Variants in ASIC2 observed in about 807,000 individuals in gnomAD.
ASIC2 encodes acid sensing ion channel subunit 2.
A neutral mutation model predicts 57.3 loss-of-function variants in ASIC2; 25 were observed. That is an observed-to-expected ratio of 0.44 (90% CI 0.32 to 0.61). The LOEUF (loss-of-function observed/expected upper bound fraction) is 0.61, where lower values mean the gene tolerates loss of function less well. Ranked by LOEUF, ASIC2 falls within the 20% of genes least tolerant of loss-of-function variation. ASIC2 has a pLI of 0.06. For synonymous variants in ASIC2, 319 were observed against 307.5 expected (o/e 1.04, Z -0.39); for missense variants, 641 against 738.1 (o/e 0.87, Z 1.52).
chr17:33,562,905 A>G (rs538672580), intron 1 of ASIC2, among the ~76,000 whole-genome samples: 53 of 152,242 alleles, frequency 3.5e-4, no homozygotes, highest in Admixed American at 1.0e-3. Flanking sequence ...CACCCTCTTG[A>G]TTCATTTTCT....
At chr17:33,553,318 C>T (rs1052284967) in intron 1 of ASIC2, among the ~76,000 whole-genome samples, 5 of 152,074 alleles carry the variant, frequency 3.3e-5, no homozygotes, top group Non-Finnish European at 1.5e-5. Context: ...GAGTCATATT[C>T]ATAATAACCA....
At chr17:33,976,119 A>G (rs750194300) in intron 1 of ASIC2, among the ~76,000 whole-genome samples, 4 of 148,646 alleles carry the variant, frequency 2.7e-5, no homozygotes, top group Non-Finnish European at 6.0e-5. Context: ...GTCTCCTTAT[A>G]TATTAATACC....
At chr17:33,022,366 C>G (rs942587907) in intron 6 of ASIC2, among the ~76,000 whole-genome samples, 1 of 152,224 alleles carries the variant, frequency 6.6e-6, no homozygotes, top group Non-Finnish European at 1.5e-5. Context: ...CTAGCAGCTA[C>G]CCCGCTGGGC....
intron 1 of ASIC2, among the ~76,000 whole-genome samples, chr17:33,996,575 T>G (rs190103046): frequency 6.6e-6 from 1 of 152,188 alleles, no homozygotes; most frequent in Non-Finnish European, 1.5e-5. Flanking sequence ...AATGTAGATA[T>G]CAAGTTTTCC....
chr17:33,853,204 C>T (rs1434787559), intron 1 of ASIC2, among the ~76,000 whole-genome samples: 1 of 152,132 alleles, frequency 6.6e-6, no homozygotes, highest in Non-Finnish European at 1.5e-5. Flanking sequence ...TGTTAGACAC[C>T]CTGGAGTGTA....
At chr17:33,811,320 C>T (rs527379139) in intron 1 of ASIC2, among the ~76,000 whole-genome samples, 6 of 152,290 alleles carry the variant, frequency 3.9e-5, no homozygotes, top group East Asian at 3.9e-4. Flanking sequence ...AAGGCTCCCA[C>T]GGGAGAAGAT....
chr17:33,485,458 C>A (rs1913546709), intron 1 of ASIC2, among the ~76,000 whole-genome samples: 1 of 152,212 alleles, frequency 6.6e-6, no homozygotes, highest in Non-Finnish European at 1.5e-5. Context: ...ACTTTTTATC[C>A]ACTTAGCAAT....
intron 1 of ASIC2, among the ~76,000 whole-genome samples, chr17:33,967,116 T>C (rs1340418127): frequency 6.6e-6 from 1 of 152,142 alleles, no homozygotes; most frequent in East Asian, 1.9e-4. Context: ...AAGGATTTCT[T>C]TGGTGTCTCT....
At chr17:33,992,517 CAA>C (rs1331815252) in intron 1 of ASIC2, among the ~76,000 whole-genome samples, 1 of 152,140 alleles carries the variant, frequency 6.6e-6, no homozygotes, top group Non-Finnish European at 1.5e-5. Flanking sequence ...TGTCTTTTCC[CAA>C]AGAGTCTCTG....
intron 1 of ASIC2, among the ~76,000 whole-genome samples, chr17:33,593,416 G>A (rs1433413976): frequency 1.3e-5 from 2 of 152,144 alleles, no homozygotes; most frequent in African/African-American, 4.8e-5. Context: ...GCCCATCACT[G>A]ATGTTTTGTG....
At chr17:34,024,395 C>T (rs28379674) in intron 1 of ASIC2, among the ~76,000 whole-genome samples, 25,501 of 152,242 alleles carry the variant, frequency 0.17, 6,305 homozygotes, top group African/African-American at 0.55. Context: ...TACAAGGAAC[C>T]TGTTTTTCCC....
intron 3 of ASIC2, among the ~76,000 whole-genome samples, chr17:33,034,204 C>T (rs550028325): frequency 6.6e-6 from 1 of 152,228 alleles, no homozygotes; most frequent in Admixed American, 6.5e-5. Flanking sequence ...TCTTCTTCTC[C>T]CTTCACTTGT....
At chr17:33,381,948 C>A (rs1909504146) in intron 1 of ASIC2, among the ~76,000 whole-genome samples, 1 of 152,168 alleles carries the variant, frequency 6.6e-6, no homozygotes, top group Non-Finnish European at 1.5e-5. Flanking sequence ...TGCATAAGAA[C>A]TCAGGGAATG....
At chr17:33,885,336 G>A (rs1378817421) in intron 1 of ASIC2, among the ~76,000 whole-genome samples, 1 of 152,192 alleles carries the variant, frequency 6.6e-6, no homozygotes, top group Non-Finnish European at 1.5e-5. Context: ...GGGACTAAAT[G>A]TGTGATACTA....
chr17:33,125,174 A>C (rs1450044408), intron 1 of ASIC2, among the ~76,000 whole-genome samples: 1 of 152,192 alleles, frequency 6.6e-6, no homozygotes, highest in Non-Finnish European at 1.5e-5. Context: ...ACAGGGCAAT[A>C]TGAGGGTCAC....
At chr17:33,399,007 G>C (rs906203684) in intron 1 of ASIC2, among the ~76,000 whole-genome samples, 3 of 152,204 alleles carry the variant, frequency 2.0e-5, no homozygotes, top group African/African-American at 7.2e-5. Flanking sequence ...AGATAGTGAT[G>C]CTGCCATTTT....
chr17:33,898,691 C>A (rs1261437475), intron 1 of ASIC2, among the ~76,000 whole-genome samples: 1 of 152,162 alleles, frequency 6.6e-6, no homozygotes, highest in Non-Finnish European at 1.5e-5. Context: ...ATCCAAGATG[C>A]CACGTGGCAT....
chr17:33,528,061 A>G (rs10512446), intron 1 of ASIC2, among the ~76,000 whole-genome samples: 7,975 of 152,208 alleles, frequency 0.052, 658 homozygotes, highest in African/African-American at 0.17. Flanking sequence ...TAAGCAATGC[A>G]TCCAAGGTGA....
chr17:33,774,551 G>A (rs934112141), intron 1 of ASIC2, among the ~76,000 whole-genome samples: 10 of 152,190 alleles, frequency 6.6e-5, no homozygotes, highest in Non-Finnish European at 1.5e-4. Flanking sequence ...AAAAAAGAAG[G>A]AAGGAGAAAG....
Sources: allele counts gnomAD v4.1 joint callset (sites outside exome capture counted in the v4.1 genomes callset), GRCh38; gene constraint gnomAD v4.1.1; transcripts MANE v1.5; gene names NCBI Gene and HGNC (gene_info 2026-07-23, HGNC 2026-07-21).